LMO2: variants seen among roughly 807,000 people sequenced by gnomAD.
LMO2 encodes rhombotin-2.
A neutral mutation model predicts 23.2 loss-of-function variants in LMO2; 20 were observed. The ratio of observed to expected loss-of-function variants is 0.86; its 90% CI spans 0.61 to 1.25. LMO2 has a LOEUF of 1.25. Among genes scored for constraint, LMO2 ranks in the 50% most tolerant of loss-of-function variants. LMO2 has a pLI of 0.00. For synonymous variants in LMO2, 123 were observed against 130.2 expected, an observed-to-expected ratio of 0.94 and a Z score of 0.38; for missense variants, 270 against 315.3, an observed-to-expected ratio of 0.86 and a Z score of 1.09.
intron 4 of LMO2, among the ~76,000 whole-genome samples, chr11:33,868,253 T>C (rs1394856079): frequency 6.6e-6 from 1 of 151,938 alleles, no homozygotes; most frequent in Non-Finnish European, 1.5e-5. Flanking sequence ...AATTGAAGGG[T>C]GTATGTGTGT....
At chr11:33,886,182 C>A (rs947325997) in intron 1 of LMO2, among the ~76,000 whole-genome samples, 5 of 152,142 alleles carry the variant, frequency 3.3e-5, no homozygotes, top group African/African-American at 1.2e-4. Flanking sequence ...CCGGCCACAA[C>A]TCTTAAGTCA....
At position 33,869,819 on chromosome 11, in the gene LMO2, TC is replaced by T. The variant is rs972665162; in HGVS notation, c.-104del. The T allele has an allele frequency of 3.7e-6, 4 of 1,086,164 alleles. No homozygotes were observed. The African/African-American group carries it at 5.1e-5, about 14-fold the overall frequency. 67.3% of individuals were successfully genotyped at this position (1,086,164 alleles called of 1,614,324 possible). ...CGCCCGCCCGGCCGCCCGGAGCCCC[TC>T]GCACCTTCGGCCCGGGTCGCGGCGC... is the stretch of plus-strand genomic sequence containing the variant. On this transcript the variant is annotated 5_prime_UTR_variant, in exon 3 of 6. Coordinates refer to ENST00000257818, the MANE Select transcript of LMO2 (RefSeq NM_005574.4).
intron 2 of LMO2, chr11:33,870,506 C>T (rs1050498224): frequency 7.1e-6 from 7 of 987,802 alleles, no homozygotes; most frequent in Non-Finnish European, 7.2e-6. Context: ...GGGCTCCGGG[C>T]TGCGGCCGCG....
chr11:33,869,684 G>A (rs1450705702), intron 3 of LMO2, 26 bp downstream of exon 3: 10 of 1,262,570 alleles, frequency 7.9e-6, no homozygotes, highest in Non-Finnish European at 9.1e-6. Context: ...GGCGGCTGCA[G>A]CTGCTGCTGC....
intron 5 of LMO2, among the ~76,000 whole-genome samples, chr11:33,860,330 C>G: frequency 6.6e-6 from 1 of 152,148 alleles, no homozygotes; most frequent in African/African-American, 2.4e-5. Context: ...TCTCCCAAGC[C>G]TCAGTTGATC....
In LMO2 at chr11:33,858,791, G is replaced by T; in HGVS notation, c.*565C>A. On this transcript the variant is annotated 3_prime_UTR_variant, in exon 6 of 6. Coordinates refer to ENST00000257818, the MANE Select transcript of LMO2 (RefSeq NM_005574.4). ...TTAAATAATTGTTTGGTTAAAAGTT[G>T]TGGTTTCCATTCTCAACCGAAATGC... 4.5e-6 allele frequency: 1 copy of T among 223,376 alleles called. No individual in the cohort carries two copies. Among genetic ancestry groups the T allele is most frequent in the Admixed American group, 5.7e-5 (1 of 17,540 alleles). 13.8% of individuals were successfully genotyped at this position (223,376 alleles called of 1,614,324 possible).
rs1241799736 is a variant in LMO2 at position 33,859,030 on chromosome 11, T to C, written c.*326A>G. Reference sequence around the variant, plus strand: ...CAAGTCTGTACACAACAACTCTCTATCTGTAGATATGAAATTCCATCATGA... The same window carrying C: ...CAAGTCTGTACACAACAACTCTCTACCTGTAGATATGAAATTCCATCATGA... On this transcript the variant is annotated 3_prime_UTR_variant, in exon 6 of 6. Coordinates refer to ENST00000257818, the MANE Select transcript of LMO2 (RefSeq NM_005574.4). 1 of 371,226 alleles carries C rather than the reference T, an allele frequency of 2.7e-6. No individual in the cohort carries two copies. The highest frequency in any genetic ancestry group is 3.8e-5 in the South Asian group (1 of 26,366). 23.0% of individuals were successfully genotyped at this position (371,226 alleles called of 1,614,324 possible).
intron 2 of LMO2, among the ~76,000 whole-genome samples, chr11:33,877,301 A>C (rs1364056432): frequency 1.3e-5 from 2 of 152,036 alleles, no homozygotes; most frequent in African/African-American, 4.8e-5. Context: ...TGCACCCTAG[A>C]CAGGCTTTCT....
chr11:33,874,321 G>C (rs1857088617), intron 2 of LMO2, among the ~76,000 whole-genome samples: 1 of 152,200 alleles, frequency 6.6e-6, no homozygotes, highest in Admixed American at 6.5e-5. Context: ...CCGAGCCTTA[G>C]GATGAGCATA....
chr11:33,874,356 G>A (rs1857089000), intron 2 of LMO2, among the ~76,000 whole-genome samples: 1 of 152,164 alleles, frequency 6.6e-6, no homozygotes, highest in African/African-American at 2.4e-5. Context: ...TGCTAGCTGC[G>A]TGATCTGGGG....
chr11:33,891,057 C>A (rs1291001243), intron 1 of LMO2, among the ~76,000 whole-genome samples: 2 of 152,162 alleles, frequency 1.3e-5, no homozygotes, highest in Non-Finnish European at 2.9e-5. Flanking sequence ...GCAAAGTCAA[C>A]AAGAGAAGAC....
chr11:33,870,502 C>T, intron 2 of LMO2: 1 of 987,144 alleles, frequency 1.0e-6, no homozygotes, highest in African/African-American at 1.7e-5. Flanking sequence ...CTGCGGGCTC[C>T]GGGCTGCGGC....
At position 33,869,734 on chromosome 11, in the gene LMO2, C is replaced by T. The variant is rs1173108916; in HGVS notation, c.-18G>A. 2.3e-6 allele frequency: 3 copies of T among 1,288,664 alleles called. No individual in the cohort carries two copies. Among genetic ancestry groups the T allele is most frequent in the Non-Finnish European group, 3.0e-6 (3 of 1,002,350 alleles). The allele number at this position is 1,288,664 out of a possible 1,614,324, so 79.8% of individuals were successfully genotyped here. On this transcript the variant is annotated 5_prime_UTR_variant, in exon 3 of 6. Coordinates refer to ENST00000257818, the MANE Select transcript of LMO2 (RefSeq NM_005574.4). ...CCTTCCATCCCGGTCCCGCCGCCGC[C>T]ACCGCCCGGTCCCTCTCGCGCGCTG...
intron 3 of LMO2, 28 bp from the exon 4 acceptor site, chr11:33,869,614 T>A (rs1856935830): frequency 7.9e-7 from 1 of 1,267,428 alleles, no homozygotes; most frequent in Non-Finnish European, 1.0e-6. Flanking sequence ...AGAGAGCGAA[T>A]CACCGGGCTG....
rs1857566971 is a variant in LMO2, at chr11:33,891,999, G to A, written c.-540C>T. 6.6e-6 allele frequency: 1 copy of A among 152,264 alleles called. No homozygotes were observed. Among genetic ancestry groups the A allele is most frequent in the South Asian group, 2.1e-4 (1 of 4,826 alleles). 9.4% of individuals were successfully genotyped at this position (152,264 alleles called of 1,614,324 possible). ...TAGCAAAGCCCACTTAACGGCTGAG[G>A]GCAGGTGGGGGTATTTCCTTCTCAA... is the stretch of plus-strand genomic sequence containing the variant. On this transcript the variant is annotated 5_prime_UTR_variant, in exon 1 of 6. Transcript: ENST00000257818.
intron 1 of LMO2, among the ~76,000 whole-genome samples, chr11:33,885,567 T>G (rs1346133424): frequency 2.0e-5 from 3 of 152,208 alleles, no homozygotes; most frequent in Non-Finnish European, 4.4e-5. Context: ...GAGATAGCCT[T>G]AGGCAGTAGA....
intron 5 of LMO2, among the ~76,000 whole-genome samples, chr11:33,861,167 C>T (rs1377576944): frequency 4.6e-5 from 7 of 152,246 alleles, no homozygotes; most frequent in Non-Finnish European, 8.8e-5. Context: ...GTATTCCCAG[C>T]TGTGCCAGTC....
intron 1 of LMO2, among the ~76,000 whole-genome samples, chr11:33,891,346 A>AACACACACACACACACACACACAC: frequency 8.0e-6 from 1 of 125,058 alleles, no homozygotes; most frequent in African/African-American, 3.1e-5. Flanking sequence ...TTGTTAGGCA[A>AACACACACACACACACACACACAC]ACACACACAC....
chr11:33,883,086 T>C (rs945218471), intron 1 of LMO2, among the ~76,000 whole-genome samples: 1 of 152,242 alleles, frequency 6.6e-6, no homozygotes, highest in Non-Finnish European at 1.5e-5. Flanking sequence ...CACTACTTGA[T>C]ATTTTCTTAT....
Sources: allele counts gnomAD v4.1 joint callset (sites outside exome capture counted in the v4.1 genomes callset), GRCh38; gene constraint gnomAD v4.1.1; transcripts MANE v1.5; gene names NCBI Gene and HGNC (gene_info 2026-07-23, HGNC 2026-07-21).